Variants in GPHN observed in about 807,000 individuals in gnomAD.
The protein encoded by GPHN is gephyrin.
A neutral mutation model predicts 95.5 loss-of-function variants in GPHN; 17 were observed. That is an observed-to-expected ratio of 0.18 (90% CI 0.12 to 0.27). GPHN has a LOEUF of 0.27. Among genes scored for constraint, GPHN ranks in the 10% least tolerant of loss-of-function variants. The pLI is 1.00. For missense variants in GPHN, 660 were observed against 978.1 expected, an observed-to-expected ratio of 0.67 and a Z score of 4.34; for synonymous variants, 320 against 322.5, an observed-to-expected ratio of 0.99 and a Z score of 0.08.
At chr14:67,008,229 G>A (rs764553911) in intron 9 of GPHN, among the ~76,000 whole-genome samples, 40 of 151,958 alleles carry the variant, frequency 2.6e-4, no homozygotes, top group Non-Finnish European at 5.4e-4. Flanking sequence ...CAAGGCGGGC[G>A]GATCACGAGG....
chr14:67,582,493 T>C, the GPHN span, among the ~76,000 whole-genome samples: 3 of 152,162 alleles, frequency 2.0e-5, no homozygotes, highest in Non-Finnish European at 4.4e-5. The surrounding 1 kb of genome is among the most constrained non-coding windows in gnomAD (Gnocchi z 5.0). Context: ...TTCACTTCTC[T>C]ATGCTTTAGT....
At chr14:66,777,526 A>G (rs1344193544) in intron 3 of GPHN, among the ~76,000 whole-genome samples, 5 of 152,164 alleles carry the variant, frequency 3.3e-5, no homozygotes, top group Non-Finnish European at 7.4e-5. Context: ...ACCAAAAAAG[A>G]GAATTTTAGA....
the GPHN span, among the ~76,000 whole-genome samples, chr14:67,618,138 A>C: frequency 6.6e-6 from 1 of 152,340 alleles, no homozygotes; most frequent in East Asian, 1.9e-4. Flanking sequence ...CAAGAAATAC[A>C]AAAGTATCAA....
intron 10 of GPHN, among the ~76,000 whole-genome samples, chr14:67,055,098 G>A (rs1483048368): frequency 2.6e-5 from 4 of 152,168 alleles, no homozygotes; most frequent in African/African-American, 9.7e-5. Context: ...TGACAAATGA[G>A]ATCTAATTAA....
intron 10 of GPHN, among the ~76,000 whole-genome samples, chr14:67,048,229 GT>G (rs1481598310): frequency 6.6e-6 from 1 of 152,142 alleles, no homozygotes; most frequent in African/African-American, 2.4e-5. Flanking sequence ...ACAATCCTGA[GT>G]GAACCCCTAT....
chr14:67,163,084 T>A (rs1454218524), intron 19 of GPHN, among the ~76,000 whole-genome samples: 1 of 152,104 alleles, frequency 6.6e-6, no homozygotes, highest in Non-Finnish European at 1.5e-5. Context: ...GACAGGAGGA[T>A]CGCTTGAGCT....
chr14:67,704,562 G>A, the GPHN span, among the ~76,000 whole-genome samples: 1 of 152,028 alleles, frequency 6.6e-6, no homozygotes. Context: ...GTGGAAGGAT[G>A]GTAAGTATTA....
intron 1 of GPHN, among the ~76,000 whole-genome samples, chr14:66,609,040 G>A (rs1016550171): frequency 2.0e-5 from 3 of 152,080 alleles, no homozygotes; most frequent in African/African-American, 7.2e-5. Flanking sequence ...TTAGCTGGTT[G>A]TTTTGTAGAG....
At chr14:66,760,624 T>C (rs1357702432) in intron 2 of GPHN, 1 of 397,084 alleles carries the variant, frequency 2.5e-6, no homozygotes, top group Non-Finnish European at 4.8e-6. Context: ...TGTTCAGATT[T>C]TGTAAATCTA....
At chr14:67,142,658 A>G (rs1163484578) in intron 17 of GPHN, among the ~76,000 whole-genome samples, 1 of 151,680 alleles carries the variant, frequency 6.6e-6, no homozygotes, top group Admixed American at 6.6e-5. Context: ...GGCTTTTCCT[A>G]TTTCTAGGGA....
At chr14:67,381,763 T>A in the GPHN span, 97 of 245,350 alleles carry the variant, frequency 4.0e-4, no homozygotes, top group Middle Eastern at 6.0e-4. Flanking sequence ...TCTTTGTTTC[T>A]TTTTTTTTTT....
the GPHN span, among the ~76,000 whole-genome samples, chr14:67,545,801 T>C: frequency 6.6e-6 from 1 of 152,356 alleles, no homozygotes; most frequent in South Asian, 2.1e-4. Flanking sequence ...ATCTGAAGGA[T>C]ATATACAGCA....
chr14:67,600,956 C>T, the GPHN span, among the ~76,000 whole-genome samples: 119 of 152,288 alleles, frequency 7.8e-4, no homozygotes, highest in Non-Finnish European at 1.5e-3. Context: ...GGAGAGCCCA[C>T]GGGTATTCAT....
At chr14:66,563,609 A>G (rs1265867887) in intron 1 of GPHN, among the ~76,000 whole-genome samples, 1 of 152,150 alleles carries the variant, frequency 6.6e-6, no homozygotes, top group Non-Finnish European at 1.5e-5. Context: ...TTATAGTCTC[A>G]TTTTACATTC....
chr14:66,830,724 GAA>G (rs1261007598), intron 4 of GPHN, among the ~76,000 whole-genome samples: 1 of 151,990 alleles, frequency 6.6e-6, no homozygotes, highest in Non-Finnish European at 1.5e-5. Context: ...CCTGACTTAG[GAA>G]AAGACTCTGA....
the GPHN span, chr14:67,559,563 C>T: frequency 5.1e-6 from 7 of 1,362,686 alleles, no homozygotes; most frequent in South Asian, 2.5e-5. Context: ...CAGTCACTCT[C>T]CTGGTGATTG....
chr14:66,981,509 C>T (rs1395263215), intron 9 of GPHN, among the ~76,000 whole-genome samples: 1 of 151,974 alleles, frequency 6.6e-6, no homozygotes. Flanking sequence ...CTACCAGAAA[C>T]GATCTATAGC....
At chr14:67,394,529 T>C in the GPHN span, among the ~76,000 whole-genome samples, 4 of 152,162 alleles carry the variant, frequency 2.6e-5, no homozygotes, top group Non-Finnish European at 5.9e-5. Context: ...CCCACCTTTA[T>C]CTGCAGCTGA....
the GPHN span, chr14:67,684,915 T>C: frequency 2.3e-5 from 21 of 906,456 alleles, no homozygotes; most frequent in Middle Eastern, 2.4e-4. Context: ...ACAAAAGCTA[T>C]ATGAGACAAT....
Sources: allele counts gnomAD v4.1 joint callset (sites outside exome capture counted in the v4.1 genomes callset), GRCh38; gene constraint gnomAD v4.1.1; non-coding constraint Gnocchi (gnomAD v3.1); transcripts MANE v1.5; gene names NCBI Gene and HGNC (gene_info 2026-07-23, HGNC 2026-07-21).